Variants in SNTG1 observed in about 807,000 individuals in gnomAD.
SNTG1 encodes gamma-1-syntrophin.
SNTG1 carries 39 observed loss-of-function variants against 74.7 expected under a neutral mutation model. The ratio of observed to expected loss-of-function variants is 0.52; its 90% CI spans 0.40 to 0.68. The LOEUF is 0.68. Ranked by LOEUF, SNTG1 falls within the 30% of genes least tolerant of loss-of-function variation. SNTG1 has a pLI of 0.00. For synonymous variants in SNTG1, 254 were observed against 217.1 expected, an observed-to-expected ratio of 1.17 and a Z score of -1.49; for missense variants, 685 against 609.5, an observed-to-expected ratio of 1.12 and a Z score of -1.30.
rs2093576027 is a variant in SNTG1 at position 50,462,794 on chromosome 8, C to CTTT, written c.363+12066_363+12067insTTT. ...AACTCAGTCGCATCTTCAGGTTCTA[C>CTTT]TCTTTTTTTTTTTTTTTTTTTTTTT... On this transcript the variant is annotated intron_variant, in intron 8 of 18. Coordinates refer to ENST00000642720, the MANE Select transcript of SNTG1 (RefSeq NM_018967.5). Among the ~76,000 whole-genome samples, 26 of 43,626 alleles carry CTTT rather than the reference C, an allele frequency of 6.0e-4. 7 individuals carry two copies. Among genetic ancestry groups the CTTT allele is most frequent in the African/African-American group, 6.0e-4 (8 of 13,410 alleles). The allele number at this position is 43,626 out of a possible 152,430, so 28.6% of individuals were successfully genotyped here.
At chr8:49,972,075 A>G (rs1009097930) in intron 1 of SNTG1, among the ~76,000 whole-genome samples, 8 of 152,210 alleles carry the variant, frequency 5.3e-5, no homozygotes, top group African/African-American at 1.9e-4. Context: ...CTAAGCCAAA[A>G]GAACAAAGCT....
intron 1 of SNTG1, among the ~76,000 whole-genome samples, chr8:50,066,043 C>T (rs1390849014): frequency 4.6e-5 from 7 of 152,172 alleles, no homozygotes; most frequent in East Asian, 1.9e-4. Context: ...GGTGAAACCC[C>T]GTCTCTACTA....
chr8:50,713,431 A>C (rs941735129), intron 17 of SNTG1, among the ~76,000 whole-genome samples: 5 of 151,804 alleles, frequency 3.3e-5, no homozygotes, highest in African/African-American at 1.2e-4. Context: ...GATTACAAAA[A>C]TTTTCTCCCA....
At chr8:50,645,110 A>T (rs956603301) in intron 13 of SNTG1, among the ~76,000 whole-genome samples, 7 of 151,990 alleles carry the variant, frequency 4.6e-5, no homozygotes, top group African/African-American at 1.7e-4. Context: ...CACATCAAAG[A>T]TCAGAAAAAT....
At chr8:50,630,558 T>G (rs1398196631) in intron 13 of SNTG1, among the ~76,000 whole-genome samples, 1 of 152,180 alleles carries the variant, frequency 6.6e-6, no homozygotes, top group Non-Finnish European at 1.5e-5. Context: ...ACTTAACAGG[T>G]GTGAATAGCA....
intron 9 of SNTG1, among the ~76,000 whole-genome samples, chr8:50,525,597 T>C (rs1235593997): frequency 6.6e-6 from 1 of 152,050 alleles, no homozygotes; most frequent in African/African-American, 2.4e-5. Flanking sequence ...ATGTCATGCC[T>C]TTGAATTCAC....
At chr8:50,257,147 C>T (rs906567573) in intron 2 of SNTG1, among the ~76,000 whole-genome samples, 1 of 152,094 alleles carries the variant, frequency 6.6e-6, no homozygotes. Context: ...GCAGCAGGAG[C>T]TCTTTCTGAG....
intron 2 of SNTG1, among the ~76,000 whole-genome samples, chr8:50,360,413 A>G (rs1245076139): frequency 1.3e-5 from 2 of 152,168 alleles, no homozygotes; most frequent in African/African-American, 4.8e-5. Flanking sequence ...GGGGAACTGT[A>G]GTTATAAGTC....
intron 17 of SNTG1, among the ~76,000 whole-genome samples, chr8:50,739,240 A>C (rs1039655770): frequency 6.6e-6 from 1 of 152,108 alleles, no homozygotes; most frequent in Non-Finnish European, 1.5e-5. Context: ...AACCCCATCA[A>C]AAAGTGGGCC....
intron 11 of SNTG1, among the ~76,000 whole-genome samples, chr8:50,539,153 A>T (rs1048516151): frequency 2.6e-5 from 4 of 152,058 alleles, no homozygotes; most frequent in Non-Finnish European, 5.9e-5. Context: ...TATCTCATTC[A>T]TTTCATTGTT....
At chr8:49,911,139 G>T (rs1308454733), upstream of SNTG1, 2 of 152,160 alleles carry the variant, frequency 1.3e-5, no homozygotes, top group East Asian at 3.9e-4. Context: ...CGCGTGGAGG[G>T]TCTAAGAATC....
chr8:50,755,103 G>T (rs551494136), intron 18 of SNTG1, among the ~76,000 whole-genome samples: 2 of 151,674 alleles, frequency 1.3e-5, no homozygotes, highest in African/African-American at 4.8e-5. Context: ...AACTTACAGT[G>T]ACACATCATT....
At chr8:50,227,393 G>A (rs1246410295) in intron 2 of SNTG1, among the ~76,000 whole-genome samples, 1 of 152,094 alleles carries the variant, frequency 6.6e-6, no homozygotes, top group Non-Finnish European at 1.5e-5. Context: ...TGTGAAACAG[G>A]TCTTGAGAAA....
intron 1 of SNTG1, among the ~76,000 whole-genome samples, chr8:50,023,946 C>T (rs1291606767): frequency 6.6e-6 from 1 of 152,066 alleles, no homozygotes; most frequent in Non-Finnish European, 1.5e-5. Flanking sequence ...GCCTCATAAC[C>T]ATGGGATTTC....
chr8:50,063,266 G>C (rs1586108844), intron 1 of SNTG1, among the ~76,000 whole-genome samples: 1 of 152,200 alleles, frequency 6.6e-6, no homozygotes. Context: ...TGAATTCATA[G>C]AAACAGGAAT....
intron 1 of SNTG1, among the ~76,000 whole-genome samples, chr8:49,977,580 C>A (rs1344680546): frequency 1.3e-5 from 2 of 152,118 alleles, no homozygotes; most frequent in East Asian, 3.9e-4. Context: ...ACAGAAACAT[C>A]CGAGGGTAAG....
intron 15 of SNTG1, among the ~76,000 whole-genome samples, chr8:50,698,408 C>T (rs1474560652): frequency 6.6e-6 from 1 of 152,006 alleles, no homozygotes; most frequent in Non-Finnish European, 1.5e-5. Flanking sequence ...ACAAGCTGCC[C>T]CAGGCCTTAG....
intron 1 of SNTG1, among the ~76,000 whole-genome samples, chr8:49,934,280 G>GATCTATCGATCT (rs1807848339): frequency 1.4e-5 from 2 of 146,390 alleles, no homozygotes; most frequent in African/African-American, 5.1e-5. Context: ...ATACTATATA[G>GATCTATCGATCT]ATCTATCTAT....
At chr8:50,571,091 A>C (rs753804601) in intron 12 of SNTG1, among the ~76,000 whole-genome samples, 2 of 152,036 alleles carry the variant, frequency 1.3e-5, no homozygotes, top group South Asian at 4.2e-4. Context: ...CTTTTGTCCA[A>C]TGAGCCCTGC....
Sources: allele counts gnomAD v4.1 joint callset (sites outside exome capture counted in the v4.1 genomes callset), GRCh38; gene constraint gnomAD v4.1.1; transcripts MANE v1.5; gene names NCBI Gene and HGNC (gene_info 2026-07-23, HGNC 2026-07-21).